ARHGAP12: variants seen among roughly 807,000 people sequenced by gnomAD.
ARHGAP12 encodes the protein Rho GTPase activating protein 12.
ARHGAP12 carries 64 observed loss-of-function variants against 108.6 expected under a neutral mutation model. That is an observed-to-expected ratio of 0.59 (90% CI 0.48 to 0.73). ARHGAP12 has a LOEUF of 0.73. Ranked by LOEUF, ARHGAP12 falls within the 30% of genes least tolerant of loss-of-function variation. ARHGAP12 has a pLI of 0.00. For missense variants in ARHGAP12, 940 were observed against 1,005.9 expected, an observed-to-expected ratio of 0.93 and a Z score of 0.89; for synonymous variants, 312 against 337.2, an observed-to-expected ratio of 0.93 and a Z score of 0.82.
intron 3 of ARHGAP12, among the ~76,000 whole-genome samples, chr10:31,901,413 T>C (rs1431906825): frequency 6.7e-6 from 1 of 150,350 alleles, no homozygotes; most frequent in Non-Finnish European, 1.5e-5. Context: ...GGATGCCTGG[T>C]CCCAGCTACT....
chr10:31,828,636 C>T (rs1047617874), intron 10 of ARHGAP12, among the ~76,000 whole-genome samples: 5 of 151,858 alleles, frequency 3.3e-5, no homozygotes, highest in Admixed American at 6.6e-5. Flanking sequence ...AGTAAAATAA[C>T]GATTATTGCC....
Position 31,851,096 on chromosome 10 carries a change from G to A in ARHGAP12, c.1170+1421C>T, listed in dbSNP as rs552614750. 1.6e-4 allele frequency among the ~76,000 whole-genome samples: 24 copies of A among 151,812 alleles called. No individual in the cohort carries two copies. The South Asian group carries it at 1.7e-3, about 11-fold the overall frequency. ...GTAGTATCTTCTTAACTTTTTATAC[G>A]GGAGCTCTTATAATTAAAATATAAA... is the stretch of plus-strand genomic sequence containing the variant. On this transcript the variant is annotated intron_variant, in intron 6 of 19. Transcript: ENST00000344936.
intron 3 of ARHGAP12, among the ~76,000 whole-genome samples, chr10:31,863,731 T>A (rs1837218761): frequency 6.6e-6 from 1 of 152,094 alleles, no homozygotes; most frequent in East Asian, 1.9e-4. Context: ...AGAAAGTCTG[T>A]CTTTAGGAAA....
chr10:31,905,326 C>T (rs1839089260), intron 3 of ARHGAP12, among the ~76,000 whole-genome samples: 2 of 151,782 alleles, frequency 1.3e-5, no homozygotes, highest in Admixed American at 1.3e-4. Context: ...AAACTCCTGG[C>T]CTCAAGTGAT....
intron 4 of ARHGAP12, 106 bp from the exon 5 acceptor site, chr10:31,854,312 T>C (rs965561110): frequency 1.8e-5 from 17 of 950,602 alleles, no homozygotes; most frequent in Non-Finnish European, 2.5e-5. Flanking sequence ...TGAAGATATC[T>C]TAAATATATC....
At chr10:31,849,233 A>G (rs1351855310) in intron 6 of ARHGAP12, among the ~76,000 whole-genome samples, 1 of 151,520 alleles carries the variant, frequency 6.6e-6, no homozygotes, top group Non-Finnish European at 1.5e-5. Context: ...ACTCTCCTTT[A>G]TTTCTTTCTC....
intron 3 of ARHGAP12, among the ~76,000 whole-genome samples, chr10:31,869,664 C>A (rs1837468284): frequency 6.6e-6 from 1 of 152,154 alleles, no homozygotes; most frequent in Admixed American, 6.5e-5. Context: ...TGCACATGAC[C>A]TAATTTCATA....
In ARHGAP12 at chr10:31,888,573, G is replaced by A. The variant is rs531789943; in HGVS notation, c.684+19599C>T. Reference sequence around the variant, plus strand: ...TAAAAAGAATCCTGACAGTGAACAAGGCCCTAGAGTTCCAATCATTCCTAA... The same window carrying A: ...TAAAAAGAATCCTGACAGTGAACAAAGCCCTAGAGTTCCAATCATTCCTAA... On this transcript the variant is annotated intron_variant, in intron 3 of 19. Transcript: ENST00000344936. Among the ~76,000 whole-genome samples the A allele has an allele frequency of 2.0e-5, 3 of 152,276 alleles. No individual in the cohort carries two copies. In the South Asian group the frequency reaches 6.2e-4, roughly 32 times the overall value.
At chr10:31,859,008 T>G (rs1168342174) in intron 4 of ARHGAP12, among the ~76,000 whole-genome samples, 1 of 151,976 alleles carries the variant, frequency 6.6e-6, no homozygotes, top group Non-Finnish European at 1.5e-5. Context: ...AAAGCAGTGG[T>G]ACTAAAATAA....
chr10:31,901,294 G>C (rs922885653), intron 3 of ARHGAP12, among the ~76,000 whole-genome samples: 2 of 151,694 alleles, frequency 1.3e-5, no homozygotes, highest in African/African-American at 4.8e-5. Context: ...CACTTCGGGA[G>C]ACAGAGGCGG....
At chr10:31,917,018 T>C (rs1352103626) in intron 1 of ARHGAP12, among the ~76,000 whole-genome samples, 2 of 152,226 alleles carry the variant, frequency 1.3e-5, no homozygotes, top group Admixed American at 1.3e-4. Context: ...AATGTTAATA[T>C]AGCTTCAAAC....
rs71027038 is a variant in ARHGAP12 at position 31,805,685 on chromosome 10, C to CACAT, written c.*1972_*1973insATGT. 3 of 147,892 alleles carry CACAT rather than the reference C, an allele frequency of 2.0e-5. No homozygotes were observed. Among genetic ancestry groups the CACAT allele is most frequent in the Admixed American group, 6.8e-5 (1 of 14,692 alleles). The allele number at this position is 147,892 out of a possible 1,614,324, so 9.2% of individuals were successfully genotyped here. A position where few individuals can be genotyped will look rare whatever the true frequency, so the allele number is the denominator to read the frequency against. On this transcript the variant is annotated 3_prime_UTR_variant, in exon 20 of 20. Coordinates refer to ENST00000344936, the MANE Select transcript of ARHGAP12 (RefSeq NM_018287.7). ...ACACACACACACACACACACACACA[C>CACAT]GTACCTTGAAACAAGAAACACAGGA...
chr10:31,924,153 ATAAAGT>A (rs1839934859), intron 1 of ARHGAP12, among the ~76,000 whole-genome samples: 1 of 152,244 alleles, frequency 6.6e-6, no homozygotes, highest in Non-Finnish European at 1.5e-5. Flanking sequence ...GTAATTTCTA[ATAAAGT>A]TAAACATACG....
In ARHGAP12 at chr10:31,915,986, G is replaced by A. The variant is rs112802080; in HGVS notation, c.-110-5423C>T. On this transcript the variant is annotated intron_variant, in intron 1 of 19. Transcript: ENST00000344936. ...TTAATTTTGGGTTGTTTCTTCCTCT[G>A]TTCCCCAGACCTGTAGATTCTGTTC... Among the ~76,000 whole-genome samples the A allele has an allele frequency of 3.8e-3, 577 of 152,212 alleles. 4 individuals are homozygous for A. The highest frequency in any genetic ancestry group is 0.01 in the Middle Eastern group (3 of 294).
intron 10 of ARHGAP12, chr10:31,827,095 A>G (rs994569299): frequency 6.6e-6 from 1 of 152,228 alleles, no homozygotes; most frequent in African/African-American, 2.4e-5. Context: ...CTGTCCACTT[A>G]TCTACTATCC....
At chr10:31,902,389 C>CTCA (rs1322870905) in intron 3 of ARHGAP12, among the ~76,000 whole-genome samples, 1 of 148,926 alleles carries the variant, frequency 6.7e-6, no homozygotes, top group East Asian at 2.0e-4. Context: ...TAATATTAAA[C>CTCA]TCATGGCCAG....
At chr10:31,831,599 A>T (rs148361496) in intron 10 of ARHGAP12, 140 bp downstream of exon 10, 1 of 520,910 alleles carries the variant, frequency 1.9e-6, no homozygotes, top group Non-Finnish European at 3.2e-6. Flanking sequence ...TCTCATGACA[A>T]TCTTACATAT....
chr10:31,882,721 G>C (rs995631533), intron 3 of ARHGAP12, among the ~76,000 whole-genome samples: 1 of 151,624 alleles, frequency 6.6e-6, no homozygotes, highest in Non-Finnish European at 1.5e-5. Flanking sequence ...GCTGAGGCAG[G>C]AGAATTGTGT....
intron 11 of ARHGAP12, 41 bp from the exon 12 acceptor site, chr10:31,820,529 C>T: frequency 1.6e-6 from 2 of 1,230,636 alleles, no homozygotes; most frequent in South Asian, 1.5e-5. Context: ...ATGTGATACT[C>T]ACATATATGT....
Sources: allele counts gnomAD v4.1 joint callset (sites outside exome capture counted in the v4.1 genomes callset), GRCh38; gene constraint gnomAD v4.1.1; transcripts MANE v1.5; gene names NCBI Gene and HGNC (gene_info 2026-07-23, HGNC 2026-07-21).